Variants in HS3ST4 observed in about 807,000 individuals in gnomAD.
HS3ST4 encodes the protein heparan sulfate glucosamine 3-O-sulfotransferase 4.
Under a neutral mutation model 29.2 loss-of-function variants are expected in HS3ST4, and 17 were observed. That is an observed-to-expected ratio of 0.58 (90% CI 0.40 to 0.87). The LOEUF (loss-of-function observed/expected upper bound fraction) is 0.87, where lower values mean the gene tolerates loss of function less well. Ranked by LOEUF, HS3ST4 falls within the 40% of genes least tolerant of loss-of-function variation. HS3ST4 has a pLI of 0.00. For missense variants in HS3ST4, 627 were observed against 634.5 expected, an observed-to-expected ratio of 0.99 and a Z score of 0.13; for synonymous variants, 314 against 285.7, an observed-to-expected ratio of 1.10 and a Z score of -1.00.
At chr16:25,747,116 A>G (rs2141600150) in intron 1 of HS3ST4, among the ~76,000 whole-genome samples, 1 of 152,298 alleles carries the variant, frequency 6.6e-6, no homozygotes, top group South Asian at 2.1e-4. Flanking sequence ...CAGCCTCTCA[A>G]AGTGTTGGGA....
chr16:25,915,708 T>C (rs985610811), intron 1 of HS3ST4, among the ~76,000 whole-genome samples: 1 of 152,156 alleles, frequency 6.6e-6, no homozygotes, highest in Admixed American at 6.5e-5. Flanking sequence ...GGAAATATGA[T>C]TGTGAAAATA....
At chr16:25,974,248 A>G (rs974260489) in intron 1 of HS3ST4, among the ~76,000 whole-genome samples, 2 of 152,148 alleles carry the variant, frequency 1.3e-5, no homozygotes, top group Non-Finnish European at 2.9e-5. Context: ...TCTTTTATCC[A>G]ACACTAGATT....
intron 1 of HS3ST4, among the ~76,000 whole-genome samples, chr16:25,852,022 G>A (rs2141650041): frequency 6.6e-6 from 1 of 152,212 alleles, no homozygotes; most frequent in East Asian, 1.9e-4. Context: ...TTTTATAGAT[G>A]AGAAAGGTGA....
intron 1 of HS3ST4, among the ~76,000 whole-genome samples, chr16:25,870,198 AT>A: frequency 6.6e-6 from 1 of 151,900 alleles, no homozygotes; most frequent in African/African-American, 2.4e-5. Flanking sequence ...CCATCCATCC[AT>A]CCAACCATCC....
At chr16:25,857,876 CTCTTTCTT>C (rs149041532) in intron 1 of HS3ST4, among the ~76,000 whole-genome samples, 1 of 96,406 alleles carries the variant, frequency 1.0e-5, no homozygotes, top group African/African-American at 4.2e-5. Flanking sequence ...GAATTTCTTT[CTCTTTCTT>C]TCTTTCTTTT....
chr16:26,027,880 C>T (rs1193074029), intron 1 of HS3ST4, among the ~76,000 whole-genome samples: 3 of 152,154 alleles, frequency 2.0e-5, no homozygotes, highest in Admixed American at 2.0e-4. Context: ...GGTCTTAACC[C>T]TTTGCAAAAC....
chr16:26,090,076 CACATT>C (rs1301343522), intron 1 of HS3ST4, among the ~76,000 whole-genome samples: 1 of 152,208 alleles, frequency 6.6e-6, no homozygotes, highest in East Asian at 1.9e-4. Context: ...AAGTATCAGA[CACATT>C]ACAGGTACTT....
chr16:25,766,643 T>C (rs1966820899), intron 1 of HS3ST4, among the ~76,000 whole-genome samples: 1 of 152,230 alleles, frequency 6.6e-6, no homozygotes. Flanking sequence ...GTCTGTTATA[T>C]GTCAGACACT....
chr16:25,778,431 G>A (rs1326652106), intron 1 of HS3ST4, among the ~76,000 whole-genome samples: 1 of 152,194 alleles, frequency 6.6e-6, no homozygotes, highest in Non-Finnish European at 1.5e-5. Flanking sequence ...GAGAAAGTTG[G>A]CTTCTCTTAC....
At chr16:25,875,839 A>C (rs138755118) in intron 1 of HS3ST4, among the ~76,000 whole-genome samples, 4 of 152,124 alleles carry the variant, frequency 2.6e-5, no homozygotes, top group Admixed American at 2.6e-4. Flanking sequence ...GGGCTCCTCC[A>C]GCTGAGGGCA....
At chr16:25,819,757 G>C (rs1414873701) in intron 1 of HS3ST4, among the ~76,000 whole-genome samples, 1 of 151,998 alleles carries the variant, frequency 6.6e-6, no homozygotes, top group African/African-American at 2.4e-5. Context: ...ACATTCATTG[G>C]CCTGTCTTTT....
chr16:25,785,503 G>T (rs1334232248), intron 1 of HS3ST4, among the ~76,000 whole-genome samples: 1 of 152,148 alleles, frequency 6.6e-6, no homozygotes, highest in Non-Finnish European at 1.5e-5. Context: ...CCAAGTAAAT[G>T]ATCTAGTAGT....
At chr16:25,862,063 T>C (rs7190143) in intron 1 of HS3ST4, among the ~76,000 whole-genome samples, 40,737 of 152,050 alleles carry the variant, frequency 0.27, 5,998 homozygotes, top group East Asian at 0.45. Flanking sequence ...ACTGTTCCGT[T>C]CCACCTCAAA....
chr16:25,950,071 C>T (rs28376655), intron 1 of HS3ST4, among the ~76,000 whole-genome samples: 47,132 of 151,966 alleles, frequency 0.31, 7,839 homozygotes, highest in African/African-American at 0.42. Flanking sequence ...TTACCTGTGT[C>T]TTACCAGCTT....
At chr16:26,051,790 CTCTT>C (rs932593053) in intron 1 of HS3ST4, among the ~76,000 whole-genome samples, 1 of 151,024 alleles carries the variant, frequency 6.6e-6, no homozygotes, top group African/African-American at 2.4e-5. Flanking sequence ...CTTTCTTTCT[CTCTT>C]TCTTTTTCCT....
chr16:25,987,243 G>A (rs1230055446), intron 1 of HS3ST4, among the ~76,000 whole-genome samples: 1 of 152,138 alleles, frequency 6.6e-6, no homozygotes, highest in Non-Finnish European at 1.5e-5. Flanking sequence ...CCAGCTACTT[G>A]GGAAGCTGAG....
intron 1 of HS3ST4, among the ~76,000 whole-genome samples, chr16:25,760,638 C>T (rs540972531): frequency 1.3e-5 from 2 of 152,090 alleles, no homozygotes; most frequent in Admixed American, 6.5e-5. Context: ...AGGCTGGTGT[C>T]GAACTCCTGA....
In HS3ST4 at chr16:26,016,722, G is replaced by A. The variant is rs144626395; in HGVS notation, c.735-118890G>A. Among the ~76,000 whole-genome samples the A allele has an allele frequency of 1.1e-3, 167 of 152,282 alleles. 2 individuals are homozygous for A. Among genetic ancestry groups the A allele is most frequent in the Admixed American group, 4.8e-3 (74 of 15,284 alleles). ...TTATGCAAATAATTTTTCTCAGGGAGTATATACTCTACTTTAAATGAGAAT... is the reference window on the plus strand; with the variant it reads ...TTATGCAAATAATTTTTCTCAGGGAATATATACTCTACTTTAAATGAGAAT... On this transcript the variant is annotated intron_variant, in intron 1 of 1. Transcript: ENST00000331351.
chr16:25,915,116 C>T (rs1361743633), intron 1 of HS3ST4, among the ~76,000 whole-genome samples: 1 of 152,112 alleles, frequency 6.6e-6, no homozygotes, highest in Non-Finnish European at 1.5e-5. Context: ...CAGATGTGGC[C>T]ACATGTCTGC....
Sources: allele counts gnomAD v4.1 joint callset (sites outside exome capture counted in the v4.1 genomes callset), GRCh38; gene constraint gnomAD v4.1.1; transcripts MANE v1.5; gene names NCBI Gene and HGNC (gene_info 2026-07-23, HGNC 2026-07-21).